AKAP14: variants seen among roughly 807,000 people sequenced by gnomAD.
AKAP14 encodes A-kinase anchoring protein 14, also known as A-kinase anchor protein 14.
AKAP14 carries 4 observed loss-of-function variants against 17.0 expected under a neutral mutation model. That is an observed-to-expected ratio of 0.23 (90% CI 0.12 to 0.54). The LOEUF is 0.54. Among genes scored for constraint, AKAP14 ranks in the 20% least tolerant of loss-of-function variants. The probability of loss-of-function intolerance (pLI) is 0.95; values close to 1 mark genes in which losing one functional copy is unlikely to be tolerated. For missense variants in AKAP14, 129 were observed against 150.9 expected (o/e 0.85, Z 0.76); for synonymous variants, 42 against 51.3 (o/e 0.82, Z 0.77).
intron 2 of AKAP14, 68 bp from the exon 3 acceptor site, chrX:119,903,146 G>A: frequency 9.8e-7 from 1 of 1,019,288 alleles, no homozygotes. Context: ...GAGATGATCT[G>A]TACTTATATG....
rs1183435124 is a variant in AKAP14, at chrX:119,896,849, C to T, written c.-11+582C>T. ...TTTTTGAGACAGAGTCTCGCTCTGT[C>T]GCCTAGGCTGGAGTGCAGCAGCGCG... On this transcript the variant is annotated intron_variant, in intron 2 of 6. Coordinates refer to ENST00000371431, the MANE Select transcript of AKAP14 (RefSeq NM_178813.6). 4.6e-5 allele frequency among the ~76,000 whole-genome samples: 4 copies of T among 87,804 alleles called. No individual in the cohort carries two copies. In the East Asian group the frequency reaches 1.1e-3, roughly 24 times the overall value. 76.2% of individuals were successfully genotyped at this position (87,804 alleles called of 115,157 possible).
chrX:119,918,709 T>C (rs992683400), intron 5 of AKAP14, among the ~76,000 whole-genome samples: 1 of 112,299 alleles, frequency 8.9e-6, no homozygotes, highest in Non-Finnish European at 1.9e-5. Context: ...GTTAACTTGA[T>C]AGCTGGTGTG....
At chrX:119,907,698 G>T (rs1406863626) in intron 4 of AKAP14, among the ~76,000 whole-genome samples, 3 of 110,053 alleles carry the variant, frequency 2.7e-5, no homozygotes, top group Non-Finnish European at 5.7e-5. Context: ...GCCTCAAGTG[G>T]TCCTCCTGCC....
At chrX:119,896,893 C>T (rs2056531273) in intron 2 of AKAP14, among the ~76,000 whole-genome samples, 1 of 103,552 alleles carries the variant, frequency 9.7e-6, no homozygotes, top group Admixed American at 1.1e-4. Flanking sequence ...TCACTGCAAC[C>T]TCCGCCTCTG....
chrX:119,917,247 G>T (rs1248202229), intron 5 of AKAP14, among the ~76,000 whole-genome samples: 1 of 111,544 alleles, frequency 9.0e-6, no homozygotes, highest in African/African-American at 3.2e-5. Context: ...GGAGGCCGAG[G>T]TGGACAGATC....
At position 119,903,397 on chromosome X, in the gene AKAP14, T is replaced by C. The variant is rs368386230; in HGVS notation, c.169+5T>C. The C allele has an allele frequency of 1.7e-6, 2 of 1,209,689 alleles. No individual in the cohort carries two copies. The highest frequency in any genetic ancestry group is 2.2e-6 in the Non-Finnish European group (2 of 894,855). On this transcript the variant is annotated splice_donor_5th_base_variant and intron_variant, in intron 3 of 6. Coordinates refer to ENST00000371431, the MANE Select transcript of AKAP14 (RefSeq NM_178813.6). ...ATGCTGTTAAGATTGTGGAAGGTAG[T>C]GATCCTGTTTGTTTGGATGCCTAAA...
At chrX:119,908,481 T>TA (rs35098622) in intron 4 of AKAP14, among the ~76,000 whole-genome samples, 2 of 109,705 alleles carry the variant, frequency 1.8e-5, no homozygotes, top group Non-Finnish European at 3.8e-5. Context: ...ACTTTTATAA[T>TA]AAAAAAAAGA....
chrX:119,919,790 G>A (rs1807226866), intron 5 of AKAP14, 121 bp from the exon 6 acceptor site: 3 of 738,938 alleles, frequency 4.1e-6, no homozygotes, highest in Non-Finnish European at 6.0e-6. Context: ...AGGTTGCAGT[G>A]AGCTGAGATT....
At chrX:119,920,068 TTTC>T (rs2056680560) in intron 6 of AKAP14, 105 bp downstream of exon 6, 1 of 867,219 alleles carries the variant, frequency 1.2e-6, no homozygotes, top group Admixed American at 2.4e-5. Flanking sequence ...AATGGTCACT[TTTC>T]TTCTTTGGAC....
At chrX:119,916,359 C>T (rs1488024332) in intron 5 of AKAP14, among the ~76,000 whole-genome samples, 1 of 109,535 alleles carries the variant, frequency 9.1e-6, no homozygotes, top group Non-Finnish European at 1.9e-5. Flanking sequence ...GGATTACAGG[C>T]GTGAGCCACC....
chrX:119,916,173 TTC>T (rs774964685), intron 5 of AKAP14, among the ~76,000 whole-genome samples: 33 of 109,118 alleles, frequency 3.0e-4, no homozygotes, highest in African/African-American at 1.1e-3. Context: ...CTTCTCAAAC[TTC>T]TCTCTCTTTT....
chrX:119,909,215 G>A (rs111971374), intron 4 of AKAP14, among the ~76,000 whole-genome samples: 2,998 of 111,340 alleles, frequency 0.027, 43 homozygotes, highest in Middle Eastern at 0.055. Flanking sequence ...GGCTGGGTGC[G>A]GTGGCTCATG....
At chrX:119,897,629 G>C (rs1178165188) in intron 2 of AKAP14, among the ~76,000 whole-genome samples, 2 of 112,248 alleles carry the variant, frequency 1.8e-5, no homozygotes, top group Non-Finnish European at 3.8e-5. Flanking sequence ...GGGAGAGCCA[G>C]TTCTCTAGTG....
At chrX:119,915,208 TACTC>T (rs1190529720) in intron 5 of AKAP14, among the ~76,000 whole-genome samples, 8 of 111,864 alleles carry the variant, frequency 7.2e-5, no homozygotes, top group African/African-American at 2.6e-4. Context: ...TCTTCTCTAA[TACTC>T]AGTTCTGTGG....
intron 5 of AKAP14, among the ~76,000 whole-genome samples, chrX:119,919,519 A>C (rs1225603357): frequency 8.9e-6 from 1 of 112,683 alleles, no homozygotes; most frequent in Non-Finnish European, 1.9e-5. Flanking sequence ...AAAAGTATGC[A>C]TATGGGCAAG....
chrX:119,899,563 T>C (rs766205087), intron 2 of AKAP14, among the ~76,000 whole-genome samples: 1 of 110,581 alleles, frequency 9.0e-6, no homozygotes, highest in South Asian at 3.8e-4. Flanking sequence ...TGAAAGACGC[T>C]GGGGACTTCA....
At chrX:119,914,095 G>A (rs1407117982) in intron 4 of AKAP14, among the ~76,000 whole-genome samples, 3 of 108,182 alleles carry the variant, frequency 2.8e-5, no homozygotes, top group Non-Finnish European at 5.8e-5. Flanking sequence ...AGAATTAGCC[G>A]GGCTTGGTGG....
At chrX:119,912,824 C>G (rs1179608865) in intron 4 of AKAP14, among the ~76,000 whole-genome samples, 3 of 111,677 alleles carry the variant, frequency 2.7e-5, no homozygotes, top group Admixed American at 9.7e-5. Context: ...GTCGTCCCCC[C>G]ATCCATGGAT....
Position 119,897,410 on chromosome X carries a change from T to C in AKAP14, c.-11+1143T>C, listed in dbSNP as rs371545314. 2.6e-3 allele frequency among the ~76,000 whole-genome samples: 289 copies of C among 110,745 alleles called. 1 individual carries two copies. The highest frequency in any genetic ancestry group is 3.4e-3 in the Non-Finnish European group (179 of 52,881). ...TCCTGACCTCGTGATCCGCCCGCCTTGGCCTCCCAAAGTGCTGGGATTATA... is the reference window on the plus strand; with the variant it reads ...TCCTGACCTCGTGATCCGCCCGCCTCGGCCTCCCAAAGTGCTGGGATTATA... On this transcript the variant is annotated intron_variant, in intron 2 of 6. Coordinates refer to ENST00000371431, the MANE Select transcript of AKAP14 (RefSeq NM_178813.6).
Sources: allele counts gnomAD v4.1 joint callset (sites outside exome capture counted in the v4.1 genomes callset), GRCh38; gene constraint gnomAD v4.1.1; transcripts MANE v1.5; gene names NCBI Gene and HGNC (gene_info 2026-07-23, HGNC 2026-07-21).